ATE1: variants seen among roughly 807,000 people sequenced by gnomAD.
The protein encoded by ATE1 is arginyl-tRNA--protein transferase 1.
ATE1 carries 36 observed loss-of-function variants against 70.5 expected under a neutral mutation model. The ratio of observed to expected loss-of-function variants is 0.51; its 90% confidence interval spans 0.39 to 0.67. The LOEUF is 0.67. ATE1 is among the 30% of genes least tolerant of loss of function. ATE1 has a pLI of 0.00. For synonymous variants in ATE1, 232 were observed against 219.3 expected, an observed-to-expected ratio of 1.06 and a Z score of -0.51; for missense variants, 593 against 629.5, an observed-to-expected ratio of 0.94 and a Z score of 0.62.
intron 8 of ATE1, among the ~76,000 whole-genome samples, chr10:121,865,735 T>A (rs1949643208): frequency 6.6e-6 from 1 of 152,328 alleles, no homozygotes. Flanking sequence ...TGAGCTCTAT[T>A]AGTCTTCAGC....
At chr10:121,802,001 T>C (rs1395791859) in intron 10 of ATE1, among the ~76,000 whole-genome samples, 1 of 151,546 alleles carries the variant, frequency 6.6e-6, no homozygotes, top group East Asian at 1.9e-4. Context: ...ATGAGATAAA[T>C]CACTAAAAAT....
intron 5 of ATE1, among the ~76,000 whole-genome samples, chr10:121,904,455 C>T (rs1022337889): frequency 6.0e-5 from 9 of 151,020 alleles, no homozygotes; most frequent in African/African-American, 1.7e-4. Context: ...ACCTGGCTAA[C>T]ACGGTGAAAC....
chr10:121,743,824 CAATCGGTCAG>C lies in ATE1; in HGVS notation c.1403_1412del (p.Pro468ArgfsTer76). 1 of 1,613,400 alleles carries C rather than the reference CAATCGGTCAG, an allele frequency of 6.2e-7. No individual in the cohort carries two copies. The highest frequency in any genetic ancestry group is 8.5e-7 in the Non-Finnish European group (1 of 1,179,872). On this transcript the variant is annotated frameshift_variant, in exon 12 of 12. Transcript: ENST00000224652. LOFTEE classifies it high-confidence loss of function. ...TGATGGCTCTCTTGTGAAACACCTGCAATCGGTCAGGTTCCGTACTGCGATCCTCATCCAC... is the reference window on the plus strand; with the variant it reads ...TGATGGCTCTCTTGTGAAACACCTGCGTTCCGTACTGCGATCCTCATCCAC...
chr10:121,847,217 G>A (rs1014707237), intron 8 of ATE1, among the ~76,000 whole-genome samples: 2 of 152,136 alleles, frequency 1.3e-5, no homozygotes, highest in African/African-American at 2.4e-5. Flanking sequence ...GAGAGGCCGA[G>A]GTGGGTGGAT....
chr10:121,885,293 G>A (rs1418236405), intron 7 of ATE1, among the ~76,000 whole-genome samples: 1 of 148,248 alleles, frequency 6.7e-6, no homozygotes, highest in Non-Finnish European at 1.5e-5. Context: ...AAAGAGGCCG[G>A]GCGCGGTGGC....
At chr10:121,904,992 C>A (rs1487976111) in intron 5 of ATE1, among the ~76,000 whole-genome samples, 1 of 152,166 alleles carries the variant, frequency 6.6e-6, no homozygotes, top group Non-Finnish European at 1.5e-5. Context: ...TACTGACCAA[C>A]AGAATTACTT....
chr10:121,745,588 G>A (rs574769310), intron 11 of ATE1, among the ~76,000 whole-genome samples: 13 of 152,304 alleles, frequency 8.5e-5, no homozygotes, highest in East Asian at 3.9e-4. Flanking sequence ...TTAGCCAGGC[G>A]TGGTGGCGGG....
intron 11 of ATE1, among the ~76,000 whole-genome samples, chr10:121,773,216 T>C (rs1945592798): frequency 6.6e-6 from 1 of 152,214 alleles, no homozygotes; most frequent in African/African-American, 2.4e-5. Flanking sequence ...ATGCTCTTGG[T>C]TTTCGTTTTT....
chr10:121,922,656 C>T (rs1468511031), intron 2 of ATE1, among the ~76,000 whole-genome samples: 1 of 152,150 alleles, frequency 6.6e-6, no homozygotes, highest in African/African-American at 2.4e-5. Flanking sequence ...GTTCCCCTCT[C>T]ACCAGCATCT....
At chr10:121,754,513 T>G (rs1411742639) in intron 11 of ATE1, among the ~76,000 whole-genome samples, 1 of 152,194 alleles carries the variant, frequency 6.6e-6, no homozygotes, top group East Asian at 1.9e-4. Flanking sequence ...TAGAATGAGA[T>G]TCCGTGAGTC....
chr10:121,817,771 G>A (rs1290196210), intron 10 of ATE1, among the ~76,000 whole-genome samples: 1 of 152,096 alleles, frequency 6.6e-6, no homozygotes. Flanking sequence ...ATCAGTTAAG[G>A]GGTGAGAACA....
chr10:121,743,805 C>T lies in ATE1; in HGVS notation c.1432G>A (p.Ala478Thr), dbSNP rs1483942178. The T allele has an allele frequency of 1.2e-6, 2 of 1,613,960 alleles. No homozygotes were observed. Among genetic ancestry groups the T allele is most frequent in the Non-Finnish European group, 1.7e-6 (2 of 1,180,010 alleles). ...PDRLQVFHKRAIMPYGVYKKQ... is the reference protein window; with the variant it reads ...PDRLQVFHKRTIMPYGVYKKQ... ...TTATAAACACCGTAAGGCATGATGG[C>T]TCTCTTGTGAAACACCTGCAATCGG... Residue 478 changes from alanine to threonine, a missense_variant, in exon 12 of 12, where the codon GCC (alanine) becomes ACC (threonine). By Grantham distance (58) the Ala-to-Thr change is moderately conservative. Coordinates refer to ENST00000224652, the MANE Select transcript of ATE1 (RefSeq NM_001001976.3).
intron 10 of ATE1, among the ~76,000 whole-genome samples, chr10:121,830,050 A>T (rs1197992450): frequency 6.6e-6 from 1 of 152,190 alleles, no homozygotes; most frequent in African/African-American, 2.4e-5. Context: ...TTGGACCAAC[A>T]CCTATCTTAC....
intron 1 of ATE1, chr10:121,926,815 G>A (rs1316263392): frequency 2.0e-6 from 2 of 985,348 alleles, no homozygotes; most frequent in Non-Finnish European, 1.2e-6. Flanking sequence ...GCATCCTGTT[G>A]ATTTTCTCCG....
At chr10:121,843,554 T>C (rs1948708585) in intron 8 of ATE1, among the ~76,000 whole-genome samples, 1 of 152,148 alleles carries the variant, frequency 6.6e-6, no homozygotes, top group Non-Finnish European at 1.5e-5. Flanking sequence ...AAACCTGTAA[T>C]AATCAAGATG....
intron 10 of ATE1, among the ~76,000 whole-genome samples, chr10:121,813,228 A>G (rs990953654): frequency 3.3e-5 from 5 of 152,256 alleles, no homozygotes; most frequent in African/African-American, 1.2e-4. Context: ...ACACCACCTT[A>G]GAAACAGAGG....
chr10:121,928,071 C>A (rs1405981895), upstream of ATE1: 9 of 1,207,532 alleles, frequency 7.5e-6, no homozygotes, highest in East Asian at 1.1e-4. Context: ...GCCACTCGGG[C>A]GCCCGCAGGC....
intron 8 of ATE1, among the ~76,000 whole-genome samples, chr10:121,867,658 A>G (rs950373642): frequency 6.6e-6 from 1 of 152,098 alleles, no homozygotes; most frequent in African/African-American, 2.4e-5. Flanking sequence ...GGATAAAACA[A>G]CACTTTGTAG....
At chr10:121,916,850 A>C (rs28588508) in intron 3 of ATE1, among the ~76,000 whole-genome samples, 14 of 150,544 alleles carry the variant, frequency 9.3e-5, no homozygotes, top group Non-Finnish European at 1.2e-4. Context: ...AAAAAAAAAA[A>C]TCCCCAAGAT....
Sources: gnomAD v4.1 joint callset for allele counts (sites outside exome capture counted in the v4.1 genomes callset) on GRCh38, gnomAD v4.1.1 for gene constraint, MANE v1.5 for transcripts, NCBI Gene and HGNC (gene_info 2026-07-23, HGNC 2026-07-21) for gene names.